The following ENPP6 variants were observed in gnomAD, a reference collection of about 807,000 sequenced individuals.
The protein encoded by ENPP6 is glycerophosphocholine cholinephosphodiesterase ENPP6.
In ENPP6, 32 loss-of-function variants were observed where a neutral mutation model predicts 42.0. That is an observed-to-expected ratio of 0.76 (90% confidence interval 0.58 to 1.02). ENPP6 has a LOEUF of 1.02. Ranked by LOEUF, ENPP6 falls within the 50% of genes least tolerant of loss-of-function variation. The probability of loss-of-function intolerance (pLI) is 0.00; values close to 1 mark genes in which losing one functional copy is unlikely to be tolerated. For missense variants in ENPP6, 552 were observed against 566.8 expected (o/e 0.97, Z 0.27); for synonymous variants, 213 against 216.0 (o/e 0.99, Z 0.12).
At chr4:184,190,126 T>C (rs1190108257) in intron 1 of ENPP6, among the ~76,000 whole-genome samples, 1 of 152,210 alleles carries the variant, frequency 6.6e-6, no homozygotes, top group Non-Finnish European at 1.5e-5. Context: ...CCGCCGTCTC[T>C]GAGAAATTTT....
At chr4:184,209,915 G>A (rs867852365) in intron 1 of ENPP6, among the ~76,000 whole-genome samples, 4,084 of 134,302 alleles carry the variant, frequency 0.03, 263 homozygotes, top group African/African-American at 0.12. Flanking sequence ...AGCCAGAAGA[G>A]AGTGGGGGCC....
intron 1 of ENPP6, among the ~76,000 whole-genome samples, chr4:184,166,750 G>C (rs547557898): frequency 5.9e-5 from 9 of 152,312 alleles, no homozygotes; most frequent in Admixed American, 5.2e-4. Flanking sequence ...CTTACTTGGG[G>C]CATGTCTACC....
chr4:184,090,063 C>T lies in ENPP6; in HGVS notation c.*1114G>A, dbSNP rs1017423068. On this transcript the variant is annotated 3_prime_UTR_variant, in exon 8 of 8. Transcript: ENST00000296741. Reference sequence around the variant, plus strand: ...GACTGGGACTCTGCTCCATCATGCTCTCTCCATTCTCCACCCAGCACCATT... The same window carrying T: ...GACTGGGACTCTGCTCCATCATGCTTTCTCCATTCTCCACCCAGCACCATT... The T allele has an allele frequency of 6.6e-6, 1 of 152,204 alleles. No individual in the cohort carries two copies. The highest frequency in any genetic ancestry group is 1.5e-5 in the Non-Finnish European group (1 of 68,058). 9.4% of individuals were successfully genotyped at this position (152,204 alleles called of 1,614,324 possible).
chr4:184,168,643 G>T (rs1216381413), intron 1 of ENPP6, among the ~76,000 whole-genome samples: 1 of 152,184 alleles, frequency 6.6e-6, no homozygotes, highest in African/African-American at 2.4e-5. Flanking sequence ...AGCCGTCCCC[G>T]TAGTCCGCCG....
intron 2 of ENPP6, among the ~76,000 whole-genome samples, chr4:184,149,591 C>A (rs976579007): frequency 4.6e-5 from 7 of 152,200 alleles, no homozygotes; most frequent in Non-Finnish European, 1.0e-4. Flanking sequence ...GACCCACACC[C>A]AACACCATTC....
intron 1 of ENPP6, among the ~76,000 whole-genome samples, chr4:184,213,409 C>T (rs1023551968): frequency 2.1e-4 from 32 of 152,092 alleles, no homozygotes; most frequent in African/African-American, 7.2e-4. Flanking sequence ...AACAAACAAC[C>T]CCATCAAAAA....
At chr4:184,109,720 T>C (rs1354611613) in intron 6 of ENPP6, among the ~76,000 whole-genome samples, 1 of 152,260 alleles carries the variant, frequency 6.6e-6, no homozygotes, top group Non-Finnish European at 1.5e-5. Context: ...GTTAAAATGC[T>C]GCTCTAATAA....
intron 1 of ENPP6, among the ~76,000 whole-genome samples, chr4:184,208,990 C>T (rs1177098715): frequency 0.018 from 2,580 of 141,982 alleles, 136 homozygotes; most frequent in African/African-American, 0.065. Context: ...ACACCTCACA[C>T]GGCAGGGTAT....
intron 1 of ENPP6, among the ~76,000 whole-genome samples, chr4:184,170,881 C>T (rs1360820855): frequency 3.3e-5 from 5 of 152,188 alleles, no homozygotes; most frequent in Non-Finnish European, 5.9e-5. Context: ...TAGCAACCAC[C>T]GATAATCATC....
chr4:184,140,546 A>T (rs62340125), intron 2 of ENPP6, among the ~76,000 whole-genome samples: 9 of 114,572 alleles, frequency 7.9e-5, no homozygotes, highest in Non-Finnish European at 1.3e-4. Flanking sequence ...ACAGAGATAT[A>T]GATCAATGGA....
At chr4:184,151,210 C>T (rs561495948) in intron 2 of ENPP6, among the ~76,000 whole-genome samples, 5 of 152,282 alleles carry the variant, frequency 3.3e-5, no homozygotes, top group South Asian at 4.1e-4. Flanking sequence ...TGGTGGTGCA[C>T]GCCTGTAATC....
chr4:184,143,483 A>G lies in ENPP6; in HGVS notation c.421+10071T>C, dbSNP rs184513402. Among the ~76,000 whole-genome samples the G allele has an allele frequency of 1.1e-4, 17 of 152,308 alleles. No individual in the cohort carries two copies. The East Asian group carries it at 3.3e-3, about 29-fold the overall frequency. The stretch of plus-strand genomic sequence containing the variant: ...ACTAGCCAGTCCTGTGCCCTTGTCA[A>G]TCAGCTCCGCCTCTGCCTCAGTTCT... On this transcript the variant is annotated intron_variant, in intron 2 of 7. Transcript: ENST00000296741.
intron 6 of ENPP6, among the ~76,000 whole-genome samples, chr4:184,111,404 C>T (rs1469296494): frequency 6.6e-6 from 1 of 152,220 alleles, no homozygotes; most frequent in Non-Finnish European, 1.5e-5. Flanking sequence ...AGGTGACTTG[C>T]TTGACCACAT....
intron 1 of ENPP6, among the ~76,000 whole-genome samples, chr4:184,169,396 A>G (rs572139127): frequency 6.6e-6 from 1 of 152,198 alleles, no homozygotes; most frequent in East Asian, 1.9e-4. Flanking sequence ...CTGGGGCTAC[A>G]GCCAGGGCCG....
chr4:184,174,627 T>C (rs200008128), intron 1 of ENPP6, among the ~76,000 whole-genome samples: 3 of 7,612 alleles, frequency 3.9e-4, no homozygotes, highest in Non-Finnish European at 3.0e-3. Flanking sequence ...ACTCTCCAAA[T>C]GTACCCTGCC....
intron 1 of ENPP6, among the ~76,000 whole-genome samples, chr4:184,156,950 T>G (rs528338464): frequency 1.4e-4 from 22 of 152,360 alleles, no homozygotes; most frequent in Admixed American, 1.4e-3. Flanking sequence ...ATGTCCATCT[T>G]ACCTATAACT....
At chr4:184,200,335 C>T (rs1390265551) in intron 1 of ENPP6, among the ~76,000 whole-genome samples, 6 of 152,190 alleles carry the variant, frequency 3.9e-5, no homozygotes, top group South Asian at 2.1e-4. Flanking sequence ...GAGCCATCGC[C>T]GCGTTTCCTT....
rs867083557 is a variant in ENPP6 at position 184,165,407 on chromosome 4, T to C, written c.242-11674A>G. Among the ~76,000 whole-genome samples the C allele has an allele frequency of 4.2e-4, 64 of 152,340 alleles. 1 individual carries two copies. Among genetic ancestry groups the C allele is most frequent in the African/African-American group, 1.5e-3 (62 of 41,586 alleles). ...AGAACCCCAGTCCCAACCAGGTCTC[T>C]GACTCAGCGTCCGCCCTCCCCCGCA... On this transcript the variant is annotated intron_variant, in intron 1 of 7. Transcript: ENST00000296741.
chr4:184,217,488 C>A, intron 1 of ENPP6, 91 bp downstream of exon 1: 1 of 1,525,528 alleles, frequency 6.6e-7, no homozygotes, highest in Non-Finnish European at 8.9e-7. Context: ...GAATCCAGAG[C>A]ATTTAAATAA....
Sources: gnomAD v4.1 joint callset for allele counts (sites outside exome capture counted in the v4.1 genomes callset) on GRCh38, gnomAD v4.1.1 for gene constraint, MANE v1.5 for transcripts, NCBI Gene and HGNC (gene_info 2026-07-23, HGNC 2026-07-21) for gene names.